The following TMEM245 variants were observed in gnomAD, a reference collection of about 807,000 sequenced individuals.
TMEM245 encodes the protein protein CG-2.
A neutral mutation model predicts 101.2 loss-of-function variants in TMEM245; 69 were observed. The ratio of observed to expected loss-of-function variants is 0.68; its 90% confidence interval spans 0.56 to 0.83. TMEM245 has a LOEUF of 0.83. TMEM245 is among the 40% of genes least tolerant of loss of function. The pLI is 0.00. For missense variants in TMEM245, 1,075 were observed against 1,092.8 expected (o/e 0.98, Z 0.23); for synonymous variants, 537 against 449.8 (o/e 1.19, Z -2.45).
Position 109,036,240 on chromosome 9 carries a change from A to G in TMEM245, c.2365T>C (p.Phe789Leu). The G allele has an allele frequency of 6.2e-7, 1 of 1,613,272 alleles. No individual in the cohort carries two copies. Among genetic ancestry groups the G allele is most frequent in the Non-Finnish European group, 8.5e-7 (1 of 1,179,850 alleles). The change falls in exon 16 of 18, where the codon TTT (phenylalanine) becomes CTT (leucine). Residue 789 changes from phenylalanine (F) to leucine (L), a missense_variant. Phe to Leu is a conservative substitution (Grantham distance 22, BLOSUM62 0). Transcript: ENST00000374586. ...TCAGAGTAGATTGCAGTATCTACAA[A>G]GTATGTTGGCAAGAGATGAAAAATC... ...LLIFHLLPTYFVDTAIYSDIS... is the reference protein window; with the variant it reads ...LLIFHLLPTYLVDTAIYSDIS...
chr9:109,103,784 C>A (rs1830337634), intron 3 of TMEM245, among the ~76,000 whole-genome samples: 1 of 151,864 alleles, frequency 6.6e-6, no homozygotes, highest in South Asian at 2.1e-4. Context: ...TTAATAGGTA[C>A]CAAAAAGTTT....
chr9:109,119,517 AGTC>A lies in TMEM245; in HGVS notation c.394_396del (p.Asp132del). On this transcript the variant is annotated inframe_deletion, in exon 1 of 18. Transcript: ENST00000374586. ...TGCTCGCCCAGGGCCTCGACGCCGT[AGTC>A]GACGAAGCAGAGCGGCAGGAGCAGC... 1 of 1,524,100 alleles carries A rather than the reference AGTC, an allele frequency of 6.6e-7. No individual in the cohort carries two copies. Among genetic ancestry groups the A allele is most frequent in the Non-Finnish European group, 8.8e-7 (1 of 1,141,716 alleles). The allele number at this position is 1,524,100 out of a possible 1,614,324, so 94.4% of individuals were successfully genotyped here.
intron 7 of TMEM245, among the ~76,000 whole-genome samples, chr9:109,084,788 C>G (rs1161310163): frequency 6.6e-6 from 1 of 152,172 alleles, no homozygotes; most frequent in Non-Finnish European, 1.5e-5. Flanking sequence ...AACTCACTTA[C>G]CCATACTAGT....
intron 7 of TMEM245, among the ~76,000 whole-genome samples, chr9:109,083,893 T>A (rs1288086568): frequency 1.3e-4 from 1 of 7,868 alleles, no homozygotes; most frequent in Non-Finnish European, 2.6e-4. Context: ...CCATCTCTAC[T>A]AAAAATACAA....
At chr9:109,033,911 TA>T (rs1210611888) in intron 16 of TMEM245, among the ~76,000 whole-genome samples, 1 of 152,246 alleles carries the variant, frequency 6.6e-6, no homozygotes, top group Non-Finnish European at 1.5e-5. Flanking sequence ...ATTATGCTTT[TA>T]TATGACGACA....
rs754919220 is a variant in TMEM245 at position 109,020,142 on chromosome 9, T to G, written c.*318A>C. ...TTAAAATAACTTTATAAATATATAA[T>G]ATAGTAACATAGATAACCAAAGTGG... is the stretch of plus-strand genomic sequence containing the variant. On this transcript the variant is annotated 3_prime_UTR_variant, in exon 18 of 18. Coordinates refer to ENST00000374586, the MANE Select transcript of TMEM245 (RefSeq NM_032012.4). The G allele has an allele frequency of 3.4e-5, 8 of 234,116 alleles. No homozygotes were observed. The highest frequency in any genetic ancestry group is 6.8e-5 in the Non-Finnish European group (8 of 117,808). 14.5% of individuals were successfully genotyped at this position (234,116 alleles called of 1,614,324 possible). A position where few individuals can be genotyped will look rare whatever the true frequency, so the allele number is the denominator to read the frequency against.
intron 5 of TMEM245, among the ~76,000 whole-genome samples, chr9:109,090,421 G>A (rs903748819): frequency 6.6e-6 from 1 of 151,802 alleles, no homozygotes; most frequent in African/African-American, 2.4e-5. Context: ...CACATTTTTT[G>A]AGCTTAAAAG....
chr9:109,015,919 C>T lies in TMEM245; in HGVS notation c.*4541G>A, dbSNP rs1827426309. On this transcript the variant is annotated 3_prime_UTR_variant, in exon 18 of 18. Coordinates refer to ENST00000374586, the MANE Select transcript of TMEM245 (RefSeq NM_032012.4). ...AATTAAACACAATACTGATTTTACA[C>T]ACCACAGGTGGAAAAGAATCTCTAT... is the stretch of plus-strand genomic sequence containing the variant. 1 of 152,610 alleles carries T rather than the reference C, an allele frequency of 6.6e-6. No individual in the cohort carries two copies. Among genetic ancestry groups the T allele is most frequent in the African/African-American group, 2.4e-5 (1 of 41,454 alleles). The allele number at this position is 152,610 out of a possible 1,614,324, so 9.5% of individuals were successfully genotyped here. A position where few individuals can be genotyped will look rare whatever the true frequency, so the allele number is the denominator to read the frequency against.
chr9:109,033,330 G>A lies in TMEM245; in HGVS notation c.2571C>T (p.Thr857=), dbSNP rs1413499546. The A allele has an allele frequency of 3.2e-5, 51 of 1,611,998 alleles. No individual in the cohort carries two copies. Among genetic ancestry groups the A allele is most frequent in the Non-Finnish European group, 4.0e-5 (47 of 1,179,084 alleles). The change falls in exon 17 of 18, where the codon ACC becomes ACT. Residue 857 remains threonine, a synonymous_variant. Coordinates refer to ENST00000374586, the MANE Select transcript of TMEM245 (RefSeq NM_032012.4). The part of the protein sequence containing the change: ...PTNSVPTPNQ[T]PWPAQPQRTF... Reference sequence around the variant, plus strand: ...ACCGCTGAGGCTGAGCAGGCCATGGGGTCTGGTTTGGCGTGGGAACTGAAT... The same window carrying A: ...ACCGCTGAGGCTGAGCAGGCCATGGAGTCTGGTTTGGCGTGGGAACTGAAT...
chr9:109,053,598 G>C (rs1241887158), intron 12 of TMEM245, among the ~76,000 whole-genome samples: 3 of 152,200 alleles, frequency 2.0e-5, no homozygotes, highest in Admixed American at 1.3e-4. Context: ...ATGTGGTCAT[G>C]AACGGTGGTC....
chr9:109,096,501 G>A (rs1320906875), intron 3 of TMEM245, among the ~76,000 whole-genome samples: 1 of 152,128 alleles, frequency 6.6e-6, no homozygotes, highest in Non-Finnish European at 1.5e-5. Flanking sequence ...GTGACAGAGT[G>A]AGACTTTGTC....
At chr9:109,093,629 T>C (rs1830065904) in intron 3 of TMEM245, 38 bp from the exon 4 acceptor site, 2 of 1,523,598 alleles carry the variant, frequency 1.3e-6, no homozygotes, top group Non-Finnish European at 9.1e-7. Flanking sequence ...CTCTTTAAAG[T>C]AGGAAATAAT....
chr9:109,024,453 G>C (rs1827736424), intron 17 of TMEM245, among the ~76,000 whole-genome samples: 1 of 152,214 alleles, frequency 6.6e-6, no homozygotes, highest in African/African-American at 2.4e-5. Flanking sequence ...TGGTAAAACA[G>C]TGGTAAAGTT....
At chr9:109,118,180 CAT>C (rs1830780580) in intron 1 of TMEM245, among the ~76,000 whole-genome samples, 1 of 152,230 alleles carries the variant, frequency 6.6e-6, no homozygotes, top group Admixed American at 6.5e-5. Context: ...CAACACCTAA[CAT>C]ATGCTCGATC....
At chr9:109,110,510 T>C (rs1830541039) in intron 1 of TMEM245, among the ~76,000 whole-genome samples, 1 of 151,956 alleles carries the variant, frequency 6.6e-6, no homozygotes, top group Non-Finnish European at 1.5e-5. Flanking sequence ...CAAAAGCTGC[T>C]CAGATTTTCA....
chr9:109,028,573 G>A (rs1256099445), intron 17 of TMEM245, among the ~76,000 whole-genome samples: 1 of 152,024 alleles, frequency 6.6e-6, no homozygotes, highest in African/African-American at 2.4e-5. Context: ...TGCTCAACAT[G>A]TATGGCAAAG....
rs1227321871 is a variant in TMEM245, at chr9:109,015,527, TATTTG to T, written c.*4928_*4932del. Reference sequence around the variant, plus strand: ...GGTCTCTGCAATAAAAAATAAATGATATTTGATAATAAGCCAAAATTATCAGGATT... The same window carrying T: ...GGTCTCTGCAATAAAAAATAAATGATATAATAAGCCAAAATTATCAGGATT... On this transcript the variant is annotated 3_prime_UTR_variant, in exon 18 of 18. Coordinates refer to ENST00000374586, the MANE Select transcript of TMEM245 (RefSeq NM_032012.4). The T allele has an allele frequency of 3.3e-5, 5 of 152,638 alleles. No homozygotes were observed. The highest frequency in any genetic ancestry group is 1.2e-4 in the African/African-American group (5 of 41,464). The allele number at this position is 152,638 out of a possible 1,614,324, so 9.5% of individuals were successfully genotyped here. A position where few individuals can be genotyped will look rare whatever the true frequency, so the allele number is the denominator to read the frequency against.
At chr9:109,056,558 G>C (rs141898764) in intron 12 of TMEM245, among the ~76,000 whole-genome samples, 1 of 151,522 alleles carries the variant, frequency 6.6e-6, no homozygotes, top group Non-Finnish European at 1.5e-5. Flanking sequence ...GGAAATTGCA[G>C]TAAACTGAGA....
chr9:109,057,144 T>C (rs1343152779), intron 12 of TMEM245, 47 bp downstream of exon 12: 1 of 1,591,094 alleles, frequency 6.3e-7, no homozygotes. Context: ...GAATTACAGT[T>C]TGTTTTTATT....
Sources: allele counts gnomAD v4.1 joint callset (sites outside exome capture counted in the v4.1 genomes callset), GRCh38; gene constraint gnomAD v4.1.1; transcripts MANE v1.5; gene names NCBI Gene and HGNC (gene_info 2026-07-23, HGNC 2026-07-21).